The following IGF2BP3 variants were observed in gnomAD, a reference collection of about 807,000 sequenced individuals.
The protein encoded by IGF2BP3 is insulin like growth factor 2 mRNA binding protein 3, also known as insulin-like growth factor 2 mRNA-binding protein 3.
Under a neutral mutation model 73.8 loss-of-function variants are expected in IGF2BP3, and 9 were observed. The observed-to-expected ratio is 0.12, with a 90% CI of 0.07 to 0.21. The LOEUF is 0.21. Ranked by LOEUF, IGF2BP3 falls within the 10% of genes least tolerant of loss-of-function variation. IGF2BP3 has a pLI of 1.00. For missense variants in IGF2BP3, 542 were observed against 714.0 expected (o/e 0.76, Z 2.75); for synonymous variants, 258 against 256.7 (o/e 1.01, Z -0.05).
chr7:23,345,560 T>A (rs1207086068), intron 8 of IGF2BP3, among the ~76,000 whole-genome samples: 1 of 152,198 alleles, frequency 6.6e-6, no homozygotes, highest in African/African-American at 2.4e-5. Flanking sequence ...GCTCCTGCAT[T>A]CCTAACCCAC....
intron 3 of IGF2BP3, among the ~76,000 whole-genome samples, chr7:23,402,940 G>T (rs902228680): frequency 6.6e-6 from 1 of 152,118 alleles, no homozygotes; most frequent in Admixed American, 6.6e-5. Flanking sequence ...ATTAGGAAAA[G>T]AGTCTTTTAC....
At chr7:23,362,330 CAGCTCG>C (rs1785250170) in intron 3 of IGF2BP3, among the ~76,000 whole-genome samples, 1 of 152,122 alleles carries the variant, frequency 6.6e-6, no homozygotes. Context: ...ACTTCTTTTA[CAGCTCG>C]AATGGTTCTT....
chr7:23,310,224 A>G lies in IGF2BP3; in HGVS notation c.*2138T>C, dbSNP rs545023671. ...CACAACAAGCTGCACCTAAATGATG[A>G]AAAAATTTATTCTGCGTCAAGGTAT... On this transcript the variant is annotated 3_prime_UTR_variant, in exon 15 of 15. Coordinates refer to ENST00000258729, the MANE Select transcript of IGF2BP3 (RefSeq NM_006547.3). The G allele has an allele frequency of 6.6e-6, 1 of 152,358 alleles. No homozygotes were observed. Among genetic ancestry groups the G allele is most frequent in the South Asian group, 2.1e-4 (1 of 4,830 alleles). 9.4% of individuals were successfully genotyped at this position (152,358 alleles called of 1,614,324 possible). A position where few individuals can be genotyped will look rare whatever the true frequency, so the allele number is the denominator to read the frequency against.
chr7:23,402,978 T>C (rs1178778671), intron 3 of IGF2BP3, among the ~76,000 whole-genome samples: 1 of 152,224 alleles, frequency 6.6e-6, no homozygotes, highest in Non-Finnish European at 1.5e-5. Flanking sequence ...AGACCAGGTA[T>C]GTCACACATC....
chr7:23,361,718 C>G lies in IGF2BP3; in HGVS notation c.309G>C (p.Gln103His), dbSNP rs763288801. ...GCTCACAGCTCTCCACCACTCCATACTGGACTAGTAAACTATCCAGCACCT... is the reference window on the plus strand; with the variant it reads ...GCTCACAGCTCTCCACCACTCCATAGTGGACTAGTAAACTATCCAGCACCT... ...QWEVLDSLLV[Q>H]YGVVESCEQV... Residue 103 changes from glutamine (Q) to histidine (H), a missense_variant, in exon 4 of 15, where the codon CAG (glutamine) becomes CAC (histidine). Coordinates refer to ENST00000258729, the MANE Select transcript of IGF2BP3 (RefSeq NM_006547.3). 6.2e-7 allele frequency: 1 copy of G among 1,613,964 alleles called. No individual in the cohort carries two copies. The highest frequency in any genetic ancestry group is 1.3e-5 in the African/African-American group (1 of 75,058).
At chr7:23,338,358 TAGAACAGA>T (rs1275119006) in intron 10 of IGF2BP3, among the ~76,000 whole-genome samples, 1 of 152,186 alleles carries the variant, frequency 6.6e-6, no homozygotes, top group Non-Finnish European at 1.5e-5. Context: ...ACATTCTTTG[TAGAACAGA>T]AGTTCTTAGC....
intron 5 of IGF2BP3, among the ~76,000 whole-genome samples, chr7:23,360,140 G>T (rs1320923110): frequency 6.6e-6 from 1 of 151,484 alleles, no homozygotes; most frequent in African/African-American, 2.4e-5. Context: ...CCACAATGCT[G>T]ATGGAAATTT....
At chr7:23,369,515 G>T (rs1322947548) in intron 3 of IGF2BP3, among the ~76,000 whole-genome samples, 3 of 152,012 alleles carry the variant, frequency 2.0e-5, no homozygotes, top group Non-Finnish European at 4.4e-5. Flanking sequence ...CCTATGCTTT[G>T]GTGTTTGCTT....
At chr7:23,329,601 C>A (rs1328012425) in intron 10 of IGF2BP3, among the ~76,000 whole-genome samples, 1 of 152,194 alleles carries the variant, frequency 6.6e-6, no homozygotes, top group Non-Finnish European at 1.5e-5. Flanking sequence ...CCAGTTAATA[C>A]ATTTATGATA....
At chr7:23,360,978 T>G (rs1785210216) in intron 5 of IGF2BP3, among the ~76,000 whole-genome samples, 1 of 152,224 alleles carries the variant, frequency 6.6e-6, no homozygotes, top group Non-Finnish European at 1.5e-5. Context: ...TATCTTTTCC[T>G]AGGGGAGACT....
intron 10 of IGF2BP3, among the ~76,000 whole-genome samples, chr7:23,332,202 C>G (rs890024470): frequency 6.6e-6 from 1 of 152,180 alleles, no homozygotes. Context: ...CACTTAAACT[C>G]TATTGTCTCT....
At chr7:23,407,528 G>C (rs755727457) in intron 3 of IGF2BP3, among the ~76,000 whole-genome samples, 4 of 149,086 alleles carry the variant, frequency 2.7e-5, no homozygotes, top group Non-Finnish European at 5.9e-5. Context: ...AGAATCACTT[G>C]AACCAGGAGG....
At chr7:23,450,541 A>G (rs773726313) in intron 2 of IGF2BP3, 8 of 152,214 alleles carry the variant, frequency 5.3e-5, no homozygotes, top group Non-Finnish European at 1.0e-4. Context: ...CTCGTGGATA[A>G]AGATCCTTTC....
chr7:23,317,928 G>A (rs1304047563), intron 11 of IGF2BP3: 1 of 563,182 alleles, frequency 1.8e-6, no homozygotes, highest in East Asian at 2.8e-5. Flanking sequence ...CCCTAATGGA[G>A]ACCTCCACGT....
chr7:23,418,618 C>T (rs1392319016), intron 3 of IGF2BP3, among the ~76,000 whole-genome samples, 158 bp downstream of exon 3: 1 of 151,982 alleles, frequency 6.6e-6, no homozygotes, highest in Admixed American at 6.6e-5. Flanking sequence ...TACACTGTGC[C>T]CTTACTAAGA....
intron 2 of IGF2BP3, 62 bp from the exon 3 acceptor site, chr7:23,418,886 A>C: frequency 9.5e-7 from 1 of 1,056,062 alleles, no homozygotes; most frequent in Non-Finnish European, 1.4e-6. Flanking sequence ...AATAATAGCC[A>C]ACATGGAAGT....
intron 2 of IGF2BP3, among the ~76,000 whole-genome samples, chr7:23,464,891 A>G (rs1788529040): frequency 6.6e-6 from 1 of 152,160 alleles, no homozygotes; most frequent in South Asian, 2.1e-4. Flanking sequence ...GAAGTTTAAT[A>G]AAAATATGCT....
chr7:23,437,313 T>A (rs1241084821), intron 2 of IGF2BP3, among the ~76,000 whole-genome samples: 1 of 151,474 alleles, frequency 6.6e-6, no homozygotes. Context: ...GAAACCCCCA[T>A]CTCTACTAAA....
At chr7:23,417,158 G>C (rs1787215106) in intron 3 of IGF2BP3, among the ~76,000 whole-genome samples, 1 of 152,170 alleles carries the variant, frequency 6.6e-6, no homozygotes, top group Non-Finnish European at 1.5e-5. Flanking sequence ...CCTAACAGCA[G>C]CAGCCCATCT....
Sources: gnomAD v4.1 joint callset for allele counts (sites outside exome capture counted in the v4.1 genomes callset) on GRCh38, gnomAD v4.1.1 for gene constraint, MANE v1.5 for transcripts, NCBI Gene and HGNC (gene_info 2026-07-23, HGNC 2026-07-21) for gene names.